The following GALNT9 variants were observed in gnomAD, a reference collection of about 807,000 sequenced individuals.
GALNT9 encodes the protein polypeptide N-acetylgalactosaminyltransferase 9, also known as GalNAc transferase 9.
A neutral mutation model predicts 63.1 loss-of-function variants in GALNT9; 47 were observed. That is an observed-to-expected ratio of 0.75 (90% CI 0.59 to 0.95). GALNT9 has a LOEUF of 0.95. GALNT9 is among the 40% of genes least tolerant of loss of function. GALNT9 has a pLI of 0.00. For missense variants in GALNT9, 829 were observed against 874.8 expected (o/e 0.95, Z 0.66); for synonymous variants, 396 against 365.7 (o/e 1.08, Z -0.94).
At chr12:132,298,286 CATG>C (rs1432697927) in intron 1 of GALNT9, among the ~76,000 whole-genome samples, 1 of 151,984 alleles carries the variant, frequency 6.6e-6, no homozygotes, top group Non-Finnish European at 1.5e-5. Context: ...AACCCAGTCC[CATG>C]ATAACTAACC....
chr12:132,225,567 CCCCACACAA>C (rs1187381442), intron 6 of GALNT9, among the ~76,000 whole-genome samples: 4 of 147,622 alleles, frequency 2.7e-5, no homozygotes, highest in South Asian at 2.2e-4. Context: ...TACATACACA[CCCCACACAA>C]CCCACACACC....
intron 1 of GALNT9, among the ~76,000 whole-genome samples, chr12:132,326,544 C>T (rs2135595005): frequency 6.6e-6 from 1 of 152,332 alleles, no homozygotes; most frequent in Non-Finnish European, 1.5e-5. Flanking sequence ...TGGGCCCCTC[C>T]CCACCCCAGT....
intron 1 of GALNT9, among the ~76,000 whole-genome samples, chr12:132,302,114 C>T (rs1881318502): frequency 6.6e-6 from 1 of 152,070 alleles, no homozygotes; most frequent in Admixed American, 6.5e-5. Flanking sequence ...AGTCATTTTC[C>T]AGAAGGTTTA....
intron 6 of GALNT9, among the ~76,000 whole-genome samples, chr12:132,209,880 G>A (rs928539500): frequency 1.3e-5 from 2 of 152,172 alleles, no homozygotes; most frequent in African/African-American, 2.4e-5. Context: ...CAGCAGCCCT[G>A]GGGGCCACTC....
intron 6 of GALNT9, chr12:132,240,534 C>A (rs2136898513): frequency 8.6e-5 from 38 of 443,772 alleles, no homozygotes; most frequent in African/African-American, 6.9e-4. Context: ...CTGCTGTGGG[C>A]CTGGCGTGGC....
At chr12:132,274,146 C>A (rs1243170499) in intron 2 of GALNT9, 4 of 152,692 alleles carry the variant, frequency 2.6e-5, no homozygotes, top group Admixed American at 2.0e-4. Context: ...GTCACGGTGA[C>A]CTCCACACCA....
At chr12:132,247,154 G>A (rs181346058) in intron 6 of GALNT9, among the ~76,000 whole-genome samples, 4 of 149,368 alleles carry the variant, frequency 2.7e-5, no homozygotes, top group South Asian at 2.1e-4. Context: ...ACACGGACAC[G>A]GTCCCGGGAG....
At chr12:132,222,871 AACACACATACACCCCACACAACCC>A (rs1877507038) in intron 6 of GALNT9, among the ~76,000 whole-genome samples, 1 of 120,694 alleles carries the variant, frequency 8.3e-6, no homozygotes, top group African/African-American at 3.2e-5. Flanking sequence ...CACGCCACAC[AACACACATACACCCCACACAACCC>A]GCACCCCACA....
chr12:132,216,057 CAGAGACATAG>C (rs1565989812), intron 6 of GALNT9, among the ~76,000 whole-genome samples: 1 of 151,988 alleles, frequency 6.6e-6, no homozygotes, highest in Non-Finnish European at 1.5e-5. Flanking sequence ...TAATGATAGA[CAGAGACATAG>C]AGAGACGTAG....
At position 132,200,816 on chromosome 12, in the gene GALNT9, A is replaced by C. The variant is rs576033992; in HGVS notation, c.1401+308T>G. ...TGAACACGCATGGATGTGACTACAC[A>C]CCTGCCTGCCTCTAGGGAGGTCCAT... is the stretch of plus-strand genomic sequence containing the variant. On this transcript the variant is annotated intron_variant, in intron 8 of 10. Coordinates refer to ENST00000328957, the MANE Select transcript of GALNT9 (RefSeq NM_001122636.2). The C allele has an allele frequency of 7.2e-4, 286 of 395,052 alleles. 1 individual carries two copies. The highest frequency in any genetic ancestry group is 5.1e-3 in the African/African-American group (249 of 48,836). The allele number at this position is 395,052 out of a possible 1,614,324, so 24.5% of individuals were successfully genotyped here.
rs1186792461 is a variant in GALNT9, at chr12:132,236,487, C to T, written c.1077+11423G>A. Among the ~76,000 whole-genome samples the T allele has an allele frequency of 6.6e-5, 10 of 151,894 alleles. No homozygotes were observed. Among genetic ancestry groups the T allele is most frequent in the African/African-American group, 2.4e-4 (10 of 41,348 alleles). ...TGCCAGGGAGTCAGCTCTGCAAAAT[C>T]ATCACAGACGTGGGGGGATGGCGTC... On this transcript the variant is annotated intron_variant, in intron 6 of 10. Coordinates refer to ENST00000328957, the MANE Select transcript of GALNT9 (RefSeq NM_001122636.2). The surrounding 1 kb of genome is among the most constrained non-coding windows in gnomAD (Gnocchi z 5.6).
intron 5 of GALNT9, 115 bp downstream of exon 5, chr12:132,257,574 C>T (rs546894490): frequency 2.8e-5 from 18 of 654,394 alleles, no homozygotes; most frequent in South Asian, 9.5e-5. Flanking sequence ...CCCACGCCCT[C>T]GTCCCCAGCC....
At chr12:132,307,082 G>A (rs1482445957) in intron 1 of GALNT9, among the ~76,000 whole-genome samples, 2 of 152,132 alleles carry the variant, frequency 1.3e-5, no homozygotes, top group Non-Finnish European at 2.9e-5. Flanking sequence ...GATGGACCCT[G>A]AGGAGAGCAG....
At chr12:132,228,350 TCCTCGCTC>T (rs1877775124) in intron 6 of GALNT9, among the ~76,000 whole-genome samples, 1 of 141,772 alleles carries the variant, frequency 7.1e-6, no homozygotes, top group East Asian at 2.0e-4. Context: ...CGTCAGCACC[TCCTCGCTC>T]CCTCCCCAGA....
chr12:132,221,812 C>T (rs1447433435), intron 6 of GALNT9, among the ~76,000 whole-genome samples: 2 of 152,166 alleles, frequency 1.3e-5, no homozygotes, highest in Admixed American at 6.5e-5. Context: ...CCTGGTACTG[C>T]GCTGCTGGGT....
chr12:132,237,841 C>T (rs2136895612), intron 6 of GALNT9, among the ~76,000 whole-genome samples: 9 of 152,194 alleles, frequency 5.9e-5, no homozygotes, highest in African/African-American at 1.7e-4. Context: ...GCCAGGCCTG[C>T]GGTGGAGGTT....
At chr12:132,244,864 C>T (rs1302128866) in intron 6 of GALNT9, among the ~76,000 whole-genome samples, 2 of 149,650 alleles carry the variant, frequency 1.3e-5, no homozygotes, top group African/African-American at 4.9e-5. Flanking sequence ...GTCTCCTGTC[C>T]CTCACCAGGA....
chr12:132,214,577 G>C (rs1261754630), intron 6 of GALNT9, among the ~76,000 whole-genome samples: 1 of 152,226 alleles, frequency 6.6e-6, no homozygotes, highest in Non-Finnish European at 1.5e-5. Context: ...GATGGCCCAT[G>C]CCCCAGAGCT....
intron 6 of GALNT9, among the ~76,000 whole-genome samples, chr12:132,229,011 C>T (rs1333167895): frequency 6.6e-6 from 1 of 152,202 alleles, no homozygotes; most frequent in Non-Finnish European, 1.5e-5. Context: ...GACACGGGTG[C>T]ACAGGAGCCA....
Sources: allele counts gnomAD v4.1 joint callset (sites outside exome capture counted in the v4.1 genomes callset), GRCh38; gene constraint gnomAD v4.1.1; non-coding constraint Gnocchi (gnomAD v3.1); transcripts MANE v1.5; gene names NCBI Gene and HGNC (gene_info 2026-07-23, HGNC 2026-07-21).